DAB1: variants seen among roughly 807,000 people sequenced by gnomAD.
The protein encoded by DAB1 is disabled homolog 1.
In DAB1, 15 loss-of-function variants were observed where a neutral mutation model predicts 64.6. The ratio of observed to expected loss-of-function variants is 0.23; its 90% CI spans 0.16 to 0.36. DAB1 has a LOEUF of 0.36. Among genes scored for constraint, DAB1 ranks in the 10% least tolerant of loss-of-function variants. The pLI is 1.00. For missense variants in DAB1, 596 were observed against 706.7 expected, an observed-to-expected ratio of 0.84 and a Z score of 1.78; for synonymous variants, 235 against 251.9, an observed-to-expected ratio of 0.93 and a Z score of 0.64.
At chr1:58,178,677 T>A (rs2100779524) in intron 4 of DAB1, among the ~76,000 whole-genome samples, 2 of 152,328 alleles carry the variant, frequency 1.3e-5, no homozygotes, top group East Asian at 3.9e-4. Context: ...ATAGAAAATA[T>A]CTTTTTTTCA....
chr1:57,726,181 A>C (rs1306817733), intron 6 of DAB1, among the ~76,000 whole-genome samples: 1 of 152,246 alleles, frequency 6.6e-6, no homozygotes, highest in African/African-American at 2.4e-5. Context: ...ATAGAAGAGT[A>C]AAGTAAAAGT....
intron 6 of DAB1, among the ~76,000 whole-genome samples, chr1:57,809,699 C>T (rs965042449): frequency 2.6e-5 from 4 of 152,090 alleles, no homozygotes; most frequent in African/African-American, 9.7e-5. Flanking sequence ...GATGGGTTCT[C>T]CCCACATGAC....
At chr1:57,464,525 C>A (rs1686892353) in intron 7 of DAB1, among the ~76,000 whole-genome samples, 1 of 152,164 alleles carries the variant, frequency 6.6e-6, no homozygotes, top group Admixed American at 6.5e-5. Flanking sequence ...GCATAATCTT[C>A]ATGAGGCACA....
At chr1:57,025,948 G>A (rs1646771293) in intron 10 of DAB1, 33 bp downstream of exon 10, 1 of 1,518,916 alleles carries the variant, frequency 6.6e-7, no homozygotes. Flanking sequence ...AAGGAATTCA[G>A]AGAGCAGGGT....
intron 2 of DAB1, among the ~76,000 whole-genome samples, chr1:57,266,250 G>A (rs1670582857): frequency 6.6e-6 from 1 of 152,130 alleles, no homozygotes; most frequent in Non-Finnish European, 1.5e-5. Flanking sequence ...AGTAAAATAG[G>A]ATTAATAATA....
intron 6 of DAB1, among the ~76,000 whole-genome samples, chr1:57,714,068 G>A (rs1274463809): frequency 1.3e-5 from 2 of 152,014 alleles, no homozygotes; most frequent in African/African-American, 2.4e-5. Context: ...AGTCTGGTGG[G>A]GGAAGTAGAT....
intron 1 of DAB1, among the ~76,000 whole-genome samples, chr1:58,539,968 C>T (rs1183685231): frequency 6.6e-6 from 1 of 152,114 alleles, no homozygotes; most frequent in Admixed American, 6.5e-5. Flanking sequence ...TGCAGAGAAT[C>T]CCCCTCCCAT....
At chr1:57,488,828 T>C (rs1644126385) in intron 7 of DAB1, among the ~76,000 whole-genome samples, 1 of 152,214 alleles carries the variant, frequency 6.6e-6, no homozygotes, top group African/African-American at 2.4e-5. Flanking sequence ...AAATTCAATT[T>C]TCTCATCCAC....
chr1:57,840,354 G>A (rs1432425174), intron 1 of DAB1, among the ~76,000 whole-genome samples: 1 of 152,172 alleles, frequency 6.6e-6, no homozygotes, highest in Non-Finnish European at 1.5e-5. Context: ...TCATGGAGAT[G>A]GGACAGAGTG....
At chr1:57,072,736 C>T (rs12759721) in intron 4 of DAB1, among the ~76,000 whole-genome samples, 30,042 of 152,216 alleles carry the variant, frequency 0.2, 3,627 homozygotes, top group Middle Eastern at 0.32. Flanking sequence ...TTACATGACA[C>T]ATCCCAGTCC....
chr1:57,860,564 A>G (rs1374797237), intron 1 of DAB1: 1 of 152,252 alleles, frequency 6.6e-6, no homozygotes, highest in African/African-American at 2.4e-5. Context: ...TCTGGTTCAC[A>G]TCATAATGGT....
chr1:57,439,634 A>G (rs1685859111), intron 7 of DAB1, among the ~76,000 whole-genome samples: 1 of 135,974 alleles, frequency 7.4e-6, no homozygotes, highest in South Asian at 2.5e-4. Flanking sequence ...TCACCATGTT[A>G]GCCAGGATGG....
In DAB1 at chr1:57,157,959, C is replaced by A. The variant is rs1199896673; in HGVS notation, c.68-12530G>T. On this transcript the variant is annotated intron_variant, in intron 2 of 14. Transcript: ENST00000371236. ...GGGAAATGAAGTCATTGGTGCGAGGCCACGCTGCTAAGGAGGGCGTAGCTG... is the reference window on the plus strand; with the variant it reads ...GGGAAATGAAGTCATTGGTGCGAGGACACGCTGCTAAGGAGGGCGTAGCTG... Among the ~76,000 whole-genome samples the A allele has an allele frequency of 5.9e-5, 9 of 152,160 alleles. 1 individual carries two copies. The highest frequency in any genetic ancestry group is 1.3e-4 in the Non-Finnish European group (9 of 68,032).
rs1240074265 is a variant in DAB1, at chr1:57,700,289, T to C, written n.552-50624A>G. Among the ~76,000 whole-genome samples, 5 of 152,218 alleles carry C rather than the reference T, an allele frequency of 3.3e-5. 1 individual carries two copies. The highest frequency in any genetic ancestry group is 4.8e-5 in the African/African-American group (2 of 41,450). ...CTTTTTTTAAGTACAGTAATACTTTTACTAAAACTAAGTTTAATACAAAAC... is the reference window on the plus strand; with the variant it reads ...CTTTTTTTAAGTACAGTAATACTTTCACTAAAACTAAGTTTAATACAAAAC... On this transcript the variant is annotated intron_variant and non_coding_transcript_variant, in intron 6 of 20. Transcript: ENST00000485760.
At chr1:57,552,105 G>A (rs991074135) in intron 7 of DAB1, among the ~76,000 whole-genome samples, 1 of 152,098 alleles carries the variant, frequency 6.6e-6, no homozygotes, top group African/African-American at 2.4e-5. Flanking sequence ...CTGTCTTCTG[G>A]CTTTACAATG....
intron 5 of DAB1, among the ~76,000 whole-genome samples, chr1:57,942,237 T>C (rs1206809697): frequency 6.6e-6 from 1 of 152,156 alleles, no homozygotes; most frequent in African/African-American, 2.4e-5. Flanking sequence ...CTGTAGTCAG[T>C]CAGTTGGTCA....
chr1:57,661,423 T>C (rs1469525587), intron 6 of DAB1, among the ~76,000 whole-genome samples: 2 of 152,226 alleles, frequency 1.3e-5, no homozygotes, highest in Non-Finnish European at 2.9e-5. Context: ...CTCGGTTACC[T>C]TCTTGACACC....
chr1:58,099,729 A>G (rs1017269796), intron 5 of DAB1, among the ~76,000 whole-genome samples: 18 of 152,334 alleles, frequency 1.2e-4, no homozygotes, highest in African/African-American at 3.6e-4. Context: ...AATAATGCCA[A>G]TTGAGGTAGG....
At chr1:57,781,086 TTCTCTCTCTC>T (rs1180662610) in intron 6 of DAB1, among the ~76,000 whole-genome samples, 102 of 42,068 alleles carry the variant, frequency 2.4e-3, no homozygotes, top group Non-Finnish European at 3.5e-3. Context: ...TTTGAGATCA[TTCTCTCTCTC>T]TCTCTCTCTC....
Sources: allele counts gnomAD v4.1 joint callset (sites outside exome capture counted in the v4.1 genomes callset), GRCh38; gene constraint gnomAD v4.1.1; transcripts MANE v1.5; gene names NCBI Gene and HGNC (gene_info 2026-07-23, HGNC 2026-07-21).